FSIP2: variants seen among roughly 807,000 people sequenced by gnomAD.
FSIP2 encodes the protein fibrous sheath-interacting protein 2.
FSIP2 carries 367 observed loss-of-function variants against 510.5 expected under a neutral mutation model. That is an observed-to-expected ratio of 0.72 (90% CI 0.66 to 0.78). The LOEUF (loss-of-function observed/expected upper bound fraction) is 0.78. Among genes scored for constraint, FSIP2 ranks in the 30% least tolerant of loss-of-function variants. FSIP2 has a pLI of 0.00. For missense variants in FSIP2, 7,594 were observed against 7,901.7 expected, an observed-to-expected ratio of 0.96 and a Z score of 1.48; for synonymous variants, 2,601 against 2,732.2, an observed-to-expected ratio of 0.95 and a Z score of 1.50.
Position 185,746,808 on chromosome 2 carries a change from G to C in FSIP2, c.757G>C (p.Glu253Gln). The C allele has an allele frequency of 1.3e-6, 2 of 1,502,856 alleles. No homozygotes were observed. Among genetic ancestry groups the C allele is most frequent in the Non-Finnish European group, 1.8e-6 (2 of 1,135,750 alleles). The allele number at this position is 1,502,856 out of a possible 1,614,324, so 93.1% of individuals were successfully genotyped here. A position where few individuals can be genotyped will look rare whatever the true frequency, so the allele number is the denominator to read the frequency against. ...ACTTACTCTTCGTAGAAAAATAGAA[G>C]AGGTGAGAGACAACAACTTTAAAAT... ...RKLTLRRKIE[E>Q]EWKTKEMLLL... The change falls in exon 6 of 23, where the codon GAG (glutamate) becomes CAG (glutamine). Residue 253 changes from glutamate to glutamine, a missense_variant and splice_region_variant. Coordinates refer to ENST00000424728, the MANE Select transcript of FSIP2 (RefSeq NM_173651.4).
intron 15 of FSIP2, among the ~76,000 whole-genome samples, 177 bp from the exon 16 acceptor site, chr2:185,788,466 A>G (rs1693039607): frequency 6.6e-6 from 1 of 151,742 alleles, no homozygotes; most frequent in Non-Finnish European, 1.5e-5. Context: ...AACTAACTAG[A>G]AATTCATCTT....
rs1459328240 is a variant in FSIP2, at chr2:185,788,949, C to T, written c.1813C>T (p.His605Tyr). Residue 605 changes from histidine (H) to tyrosine (Y), a missense_variant, in exon 16 of 23, where the codon CAT (histidine) becomes TAT (tyrosine). Transcript: ENST00000424728. ...PTTPIKPPPA[H>Y]VEKTVVGKTC... is the part of the protein sequence containing the mutation. ...CACACCTATAAAACCTCCTCCTGCA[C>T]ATGTGGAAAAAACAGTTGTGGGGAA... 2.0e-6 allele frequency: 3 copies of T among 1,534,716 alleles called. No homozygotes were observed. The highest frequency in any genetic ancestry group is 4.9e-5 in the East Asian group (2 of 40,872).
exon 1 of FSIP2, chr2:185,738,793 GGGCTCTGGCCATT>G (rs1443702972): frequency 1.3e-6 from 2 of 1,535,956 alleles, no homozygotes; most frequent in Non-Finnish European, 1.7e-6. Flanking sequence ...TGAGGTCGTT[GGGCTCTGGCCATT>G]CCTGGTCAGG....
rs1481345206 is a variant in FSIP2, at chr2:185,794,423, G to T, written c.7287G>T (p.Leu2429Phe). ...AATTAGCTTTATCAAATGAAATATT[G>T]CTGGGTCACAAAGAGAAGGAAAGAA... Reference protein sequence around the residue: ...FSQLALSNEILLGHKEKERST... With the variant: ...FSQLALSNEIFLGHKEKERST... Residue 2429 changes from leucine to phenylalanine, a missense_variant, in exon 16 of 23, where the codon TTG becomes TTT. Transcript: ENST00000424728. 2.2e-5 allele frequency: 33 copies of T among 1,515,592 alleles called. No individual in the cohort carries two copies. Among genetic ancestry groups the T allele is most frequent in the Non-Finnish European group, 2.6e-5 (30 of 1,139,240 alleles). 93.9% of individuals were successfully genotyped at this position (1,515,592 alleles called of 1,614,324 possible).
chr2:185,790,700 C>G lies in FSIP2; in HGVS notation c.3564C>G (p.Thr1188=). 2.0e-6 allele frequency: 3 copies of G among 1,533,874 alleles called. No homozygotes were observed. Among genetic ancestry groups the G allele is most frequent in the Non-Finnish European group, 2.6e-6 (3 of 1,145,368 alleles). ...AGGCATCAAACTACATTTCCAATAC[C>G]ACTAAAAGTTCCATTTCATCATCAG... The part of the protein sequence containing the change: ...LHKASNYISN[T]TKSSISSSVH... Residue 1188 remains threonine, a synonymous_variant, in exon 16 of 23, where the codon ACC becomes ACG. Transcript: ENST00000424728.
intron 14 of FSIP2, among the ~76,000 whole-genome samples, chr2:185,785,994 G>T (rs1383938127): frequency 6.6e-6 from 1 of 151,840 alleles, no homozygotes; most frequent in African/African-American, 2.4e-5. Context: ...GGAAGTATAA[G>T]GATCAGAAAG....
rs1233506193 is a variant in FSIP2, at chr2:185,799,830, C to G, written c.10524C>G (p.Tyr3508Ter). 2 of 1,531,792 alleles carry G rather than the reference C, an allele frequency of 1.3e-6. No individual in the cohort carries two copies. Among genetic ancestry groups the G allele is most frequent in the African/African-American group, 2.7e-5 (2 of 72,732 alleles). The allele number at this position is 1,531,792 out of a possible 1,614,324, so 94.9% of individuals were successfully genotyped here. Reference sequence around the variant, plus strand: ...AACATCTCACTGAGTCAGTACTTTACCATTTAACTTCGAGCATTTCTGATG... The same window carrying G: ...AACATCTCACTGAGTCAGTACTTTAGCATTTAACTTCGAGCATTTCTGATG... Reference protein sequence around the residue: ...CCEHLTESVLYHLTSSISDGT... With the variant: ...CCEHLTESVL Residue 3508 changes from tyrosine (Y) to a stop codon, truncating the protein, a stop_gained, in exon 17 of 23, where the codon TAC becomes TAG. Coordinates refer to ENST00000424728, the MANE Select transcript of FSIP2 (RefSeq NM_173651.4). LOFTEE classifies it high-confidence loss of function.
In FSIP2 at chr2:185,806,992, A is replaced by C; in HGVS notation, c.17686A>C (p.Met5896Leu). 6.2e-7 allele frequency: 1 copy of C among 1,606,016 alleles called. No individual in the cohort carries two copies. Among genetic ancestry groups the C allele is most frequent in the Non-Finnish European group, 8.5e-7 (1 of 1,177,344 alleles). The part of the protein sequence containing the change: ...SADKMPPMHK[M>L]MRKPSSDKIP... The stretch of plus-strand genomic sequence containing the variant: ...AGATAAAATGCCACCTATGCATAAA[A>C]TGATGAGAAAACCTTCTTCAGATAA... Residue 5896 changes from methionine to leucine, a missense_variant, in exon 17 of 23, where the codon ATG becomes CTG. Coordinates refer to ENST00000424728, the MANE Select transcript of FSIP2 (RefSeq NM_173651.4).
chr2:185,793,251 A>C lies in FSIP2; in HGVS notation c.6115A>C (p.Ser2039Arg). 1 of 1,534,212 alleles carries C rather than the reference A, an allele frequency of 6.5e-7. No individual in the cohort carries two copies. Among genetic ancestry groups the C allele is most frequent in the Non-Finnish European group, 8.7e-7 (1 of 1,145,584 alleles). ...HDIGISESIA[S>R]QIVNALLDII... ...CATTGGGATTTCTGAAAGTATTGCAAGTCAAATTGTTAACGCATTGTTAGA... is the reference window on the plus strand; with the variant it reads ...CATTGGGATTTCTGAAAGTATTGCACGTCAAATTGTTAACGCATTGTTAGA... The change falls in exon 16 of 23, where the codon AGT (serine) becomes CGT (arginine). Residue 2039 changes from serine (S) to arginine (R), a missense_variant. Transcript: ENST00000424728.
chr2:185,752,759 A>G (rs2105543520), intron 7 of FSIP2, among the ~76,000 whole-genome samples: 1 of 151,316 alleles, frequency 6.6e-6, no homozygotes, highest in East Asian at 1.9e-4. Context: ...CTTTAATTCC[A>G]ACATTTGTGT....
Position 185,807,044 on chromosome 2 carries a change from T to C in FSIP2, c.17738T>C (p.Val5913Ala). ...ATACCATCAATTGACAAAACATTGGTCAATAAAGTTGTTCACTCCTCTGTT... is the reference window on the plus strand; with the variant it reads ...ATACCATCAATTGACAAAACATTGGCCAATAAAGTTGTTCACTCCTCTGTT... ...DKIPSIDKTLVNKVVHSSVCN... is the reference protein window; with the variant it reads ...DKIPSIDKTLANKVVHSSVCN... The change falls in exon 17 of 23, where the codon GTC becomes GCC. Residue 5913 changes from valine to alanine, a missense_variant. Physicochemically the swap from Val to Ala is moderately conservative, Grantham distance 64. Coordinates refer to ENST00000424728, the MANE Select transcript of FSIP2 (RefSeq NM_173651.4). The C allele has an allele frequency of 6.3e-7, 1 of 1,593,578 alleles. No homozygotes were observed. The highest frequency in any genetic ancestry group is 2.2e-5 in the East Asian group (1 of 44,748).
At chr2:185,767,084 C>T (rs1292489277) in intron 13 of FSIP2, among the ~76,000 whole-genome samples, 18 of 137,130 alleles carry the variant, frequency 1.3e-4, no homozygotes, top group African/African-American at 3.3e-4. Context: ...AACCAAACAC[C>T]GCATATTCTC....
chr2:185,809,414 A>C (rs770664003), intron 17 of FSIP2, among the ~76,000 whole-genome samples: 2 of 152,100 alleles, frequency 1.3e-5, no homozygotes, highest in African/African-American at 4.8e-5. Context: ...CATACCCTTC[A>C]CAGTAAAACC....
chr2:185,810,453 A>G (rs1346587074), intron 17 of FSIP2, among the ~76,000 whole-genome samples: 1 of 149,908 alleles, frequency 6.7e-6, no homozygotes, highest in Non-Finnish European at 1.5e-5. Flanking sequence ...TTCAATCATG[A>G]TTGGAAGCTT....
In FSIP2 at chr2:185,791,256, A is replaced by C. The variant is rs1693116080; in HGVS notation, c.4120A>C (p.Arg1374=). The C allele has an allele frequency of 6.5e-7, 1 of 1,533,906 alleles. No homozygotes were observed. The highest frequency in any genetic ancestry group is 8.7e-7 in the Non-Finnish European group (1 of 1,145,458). The change falls in exon 16 of 23, where the codon AGA becomes CGA. Residue 1374 remains arginine (R), a synonymous_variant. Coordinates refer to ENST00000424728, the MANE Select transcript of FSIP2 (RefSeq NM_173651.4). ...GTTATCAAGTGAAAATGCACATCAA[A>C]GAAGCATTTCACTCTCTTCTCGTAA... ...MLLSSENAHQ[R]SISLSSRKPK...
At chr2:185,812,135 G>A (rs1693745491) in intron 17 of FSIP2, among the ~76,000 whole-genome samples, 1 of 152,100 alleles carries the variant, frequency 6.6e-6, no homozygotes, top group Non-Finnish European at 1.5e-5. Flanking sequence ...CCTCAGCGTG[G>A]AAAAGCCTCA....
chr2:185,815,381 A>G lies in FSIP2; in HGVS notation c.20336A>G (p.Lys6779Arg). The G allele has an allele frequency of 6.9e-7, 1 of 1,455,334 alleles. No homozygotes were observed. The highest frequency in any genetic ancestry group is 1.2e-5 in the South Asian group (1 of 82,988). The allele number at this position is 1,455,334 out of a possible 1,614,324, so 90.2% of individuals were successfully genotyped here. The change falls in exon 19 of 23, where the codon AAG becomes AGG. Residue 6779 changes from lysine to arginine, a missense_variant. Transcript: ENST00000424728. ...EEKPQCKKEE[K>R]NLVTEPTHYF... ...TTTGTCCTTTTCCAGAAAGAAGAAA[A>G]GAATCTTGTTACTGAACCAACACAT...
At position 185,789,712 on chromosome 2, in the gene FSIP2, A is replaced by G; in HGVS notation, c.2576A>G (p.Asp859Gly). The change falls in exon 16 of 23, where the codon GAC becomes GGC. Residue 859 changes from aspartate to glycine, a missense_variant. Transcript: ENST00000424728. ...NKLSCQQHKT[D>G]PICMFLQRAG... ...CTTTCCTGCCAGCAACATAAGACAG[A>G]CCCAATATGTATGTTCCTTCAAAGA... The G allele has an allele frequency of 6.5e-7, 1 of 1,534,358 alleles. No homozygotes were observed. The highest frequency in any genetic ancestry group is 2.4e-5 in the East Asian group (1 of 40,848).
chr2:185,824,528 T>C, intron 20 of FSIP2, 48 bp downstream of exon 20: 1 of 1,103,518 alleles, frequency 9.1e-7, no homozygotes. Flanking sequence ...ACTACTTTGA[T>C]GTGTTTTTTT....
Sources: gnomAD v4.1 joint callset for allele counts (sites outside exome capture counted in the v4.1 genomes callset) on GRCh38, gnomAD v4.1.1 for gene constraint, MANE v1.5 for transcripts, NCBI Gene and HGNC (gene_info 2026-07-23, HGNC 2026-07-21) for gene names.